The following ALLC variants were observed in gnomAD, a reference collection of about 807,000 sequenced individuals.
The protein encoded by ALLC is probable inactive allantoicase.
ALLC carries 40 observed loss-of-function variants against 45.0 expected under a neutral mutation model. That is an observed-to-expected ratio of 0.89 (90% CI 0.69 to 1.16). The LOEUF (loss-of-function observed/expected upper bound fraction) is 1.16, where lower values mean the gene tolerates loss of function less well. Ranked by LOEUF, ALLC falls within the 50% of genes most tolerant of loss-of-function variation. The pLI, the probability that ALLC is intolerant of heterozygous loss-of-function variation, is 0.00. For synonymous variants in ALLC, 176 were observed against 178.1 expected, an observed-to-expected ratio of 0.99 and a Z score of 0.09; for missense variants, 488 against 493.1, an observed-to-expected ratio of 0.99 and a Z score of 0.10.
At position 3,674,103 on chromosome 2, in the gene ALLC, C is replaced by G; in HGVS notation, c.62C>G (p.Ala21Gly). 6.4e-7 allele frequency: 1 copy of G among 1,561,564 alleles called. No individual in the cohort carries two copies. Among genetic ancestry groups the G allele is most frequent in the Non-Finnish European group, 8.7e-7 (1 of 1,150,494 alleles). Residue 21 changes from alanine (A) to glycine (G), a missense_variant, in exon 3 of 12, where the codon GCT (alanine) becomes GGT (glycine). Coordinates refer to ENST00000252505, the MANE Select transcript of ALLC (RefSeq NM_018436.4). ...KILFATDDFF[A>G]PAENLIKSDS... is the part of the protein sequence containing the mutation. ...TTATTTGCAACAGATGACTTTTTTG[C>G]TCCTGCAGAAAACCTCATAAAGGTA... is the stretch of plus-strand genomic sequence containing the variant.
chr2:3,693,461 A>G (rs1667575149), intron 7 of ALLC, among the ~76,000 whole-genome samples: 1 of 152,194 alleles, frequency 6.6e-6, no homozygotes, highest in Non-Finnish European at 1.5e-5. Flanking sequence ...CCTTTTCCCC[A>G]CTTGTTAATT....
chr2:3,663,244 A>G (rs1378806292), intron 1 of ALLC, among the ~76,000 whole-genome samples: 1 of 152,242 alleles, frequency 6.6e-6, no homozygotes, highest in Non-Finnish European at 1.5e-5. Flanking sequence ...CTATGCAGCC[A>G]TAAAAGATGA....
At chr2:3,676,566 T>C (rs1296374415) in intron 3 of ALLC, among the ~76,000 whole-genome samples, 3 of 152,066 alleles carry the variant, frequency 2.0e-5, no homozygotes, top group Non-Finnish European at 4.4e-5. Flanking sequence ...CTTTTCTCAC[T>C]GCGTGTTTGT....
At chr2:3,665,784 GT>G (rs1666689785) in intron 1 of ALLC, among the ~76,000 whole-genome samples, 1 of 152,196 alleles carries the variant, frequency 6.6e-6, no homozygotes, top group Non-Finnish European at 1.5e-5. Flanking sequence ...ATGCGTGCAT[GT>G]ATCTTTATAG....
At chr2:3,664,826 G>A (rs916527757) in intron 1 of ALLC, among the ~76,000 whole-genome samples, 3 of 151,532 alleles carry the variant, frequency 2.0e-5, no homozygotes, top group African/African-American at 7.3e-5. Context: ...TGAGGCTGCA[G>A]TGAGCTATGA....
the ALLC span, among the ~76,000 whole-genome samples, chr2:3,649,191 C>T: frequency 6.6e-6 from 1 of 151,846 alleles, no homozygotes; most frequent in African/African-American, 2.4e-5. Context: ...CCTAGGGTGT[C>T]ATTCTGGTCA....
intron 1 of ALLC, among the ~76,000 whole-genome samples, chr2:3,661,719 T>C (rs1326469013): frequency 6.6e-6 from 1 of 152,160 alleles, no homozygotes; most frequent in Non-Finnish European, 1.5e-5. Context: ...CTCTTCTTGG[T>C]TGTTGAGAAG....
At chr2:3,682,122 T>C (rs1319587036) in intron 6 of ALLC, among the ~76,000 whole-genome samples, 1 of 152,240 alleles carries the variant, frequency 6.6e-6, no homozygotes, top group Non-Finnish European at 1.5e-5. Flanking sequence ...GTTTTTTTAA[T>C]GTTTATTTAG....
intron 1 of ALLC, among the ~76,000 whole-genome samples, chr2:3,660,724 T>C (rs1666551672): frequency 6.6e-6 from 1 of 152,010 alleles, no homozygotes; most frequent in Non-Finnish European, 1.5e-5. Flanking sequence ...CTAATTCTGA[T>C]TGGCTGATTT....
intron 1 of ALLC, among the ~76,000 whole-genome samples, chr2:3,663,247 A>G (rs1666619809): frequency 6.6e-6 from 1 of 152,234 alleles, no homozygotes; most frequent in East Asian, 1.9e-4. Flanking sequence ...TGCAGCCATA[A>G]AAGATGAGAT....
At chr2:3,657,161 C>A (rs1196579444), upstream of ALLC, among the ~76,000 whole-genome samples, 3 of 151,478 alleles carry the variant, frequency 2.0e-5, no homozygotes, top group South Asian at 4.2e-4. Context: ...AAAGGCCGGG[C>A]GAGCTGAGAT....
chr2:3,680,952 T>A lies in ALLC; in HGVS notation c.299-682T>A, dbSNP rs2148007116. The stretch of plus-strand genomic sequence containing the variant: ...CACAGACTTTCTGTATTTTTATTCC[T>A]TTGTTACCATCTGATGTTGACTTTA... On this transcript the variant is annotated intron_variant, in intron 5 of 11. Transcript: ENST00000252505. This position sits in a 1 kb window ranked among gnomAD's most constrained non-coding sequence, Gnocchi z 4.0. Among the ~76,000 whole-genome samples, 1 of 152,304 alleles carries A rather than the reference T, an allele frequency of 6.6e-6. No homozygotes were observed. Among genetic ancestry groups the A allele is most frequent in the Non-Finnish European group, 1.5e-5 (1 of 68,024 alleles).
chr2:3,652,233 C>T, the ALLC span, among the ~76,000 whole-genome samples: 1 of 152,182 alleles, frequency 6.6e-6, no homozygotes, highest in Non-Finnish European at 1.5e-5. Context: ...CTAGGCTGCC[C>T]GCTGTTGCTA....
At chr2:3,676,742 G>T (rs1667032757) in intron 3 of ALLC, among the ~76,000 whole-genome samples, 1 of 152,110 alleles carries the variant, frequency 6.6e-6, no homozygotes. Context: ...ACAAGTGTGT[G>T]CACGTGTGTC....
chr2:3,665,942 T>C (rs1308255008), intron 1 of ALLC, among the ~76,000 whole-genome samples: 3 of 152,148 alleles, frequency 2.0e-5, no homozygotes, highest in Non-Finnish European at 4.4e-5. Context: ...TGAGAAAGGG[T>C]ATAAATGCTT....
rs376024490 is a variant in ALLC, at chr2:3,702,362, G to A, written c.976-1G>A. 1 of 1,612,672 alleles carries A rather than the reference G, an allele frequency of 6.2e-7. No homozygotes were observed. Among genetic ancestry groups the A allele is most frequent in the African/African-American group, 1.3e-5 (1 of 74,884 alleles). ...GACCTCTGCATCTGCTTGCTTTTCA[G>A]TTGTCTCCCAACCAAAGTCATCTGT... is the stretch of plus-strand genomic sequence containing the variant. On this transcript the variant is annotated splice_acceptor_variant, in intron 11 of 11. Transcript: ENST00000252505. LOFTEE classifies it high-confidence loss of function.
At chr2:3,647,031 C>T in the ALLC span, among the ~76,000 whole-genome samples, 7 of 152,108 alleles carry the variant, frequency 4.6e-5, no homozygotes, top group African/African-American at 7.2e-5. Context: ...CCATCATCCC[C>T]GTGAGGACGC....
chr2:3,684,660 C>G (rs1667278514), intron 7 of ALLC, among the ~76,000 whole-genome samples: 1 of 152,102 alleles, frequency 6.6e-6, no homozygotes. Flanking sequence ...GTTTGCTTTT[C>G]CATTCCTGAA....
chr2:3,655,317 G>A (rs1666415570), upstream of ALLC, among the ~76,000 whole-genome samples: 1 of 152,242 alleles, frequency 6.6e-6, no homozygotes, highest in Non-Finnish European at 1.5e-5. Flanking sequence ...AGAAGAATGG[G>A]GCGTGGATGC....
Sources: allele counts gnomAD v4.1 joint callset (sites outside exome capture counted in the v4.1 genomes callset), GRCh38; gene constraint gnomAD v4.1.1; non-coding constraint Gnocchi (gnomAD v3.1); transcripts MANE v1.5; gene names NCBI Gene and HGNC (gene_info 2026-07-23, HGNC 2026-07-21).